SCHIP1: variants seen among roughly 807,000 people sequenced by gnomAD.
SCHIP1 encodes the protein schwannomin-interacting protein 1.
In SCHIP1, 8 loss-of-function variants were observed where a neutral mutation model predicts 29.7. The observed-to-expected ratio is 0.27, with a 90% confidence interval of 0.16 to 0.49. The LOEUF is 0.49. Ranked by LOEUF, SCHIP1 falls within the 20% of genes least tolerant of loss-of-function variation. The pLI, the probability that SCHIP1 is intolerant of heterozygous loss-of-function variation, is 0.99. For missense variants in SCHIP1, 193 were observed against 294.6 expected (o/e 0.66, Z 2.52); for synonymous variants, 76 against 94.9 (o/e 0.80, Z 1.16).
At chr3:159,485,070 C>G in the SCHIP1 span, among the ~76,000 whole-genome samples, 2 of 152,162 alleles carry the variant, frequency 1.3e-5, no homozygotes, top group African/African-American at 2.4e-5. Flanking sequence ...CTTGGCCAAA[C>G]AGAAGCAGAG....
At chr3:159,518,943 C>T in the SCHIP1 span, among the ~76,000 whole-genome samples, 1 of 152,018 alleles carries the variant, frequency 6.6e-6, no homozygotes. Flanking sequence ...AAAATTTACA[C>T]GTCAAAGCCA....
the SCHIP1 span, among the ~76,000 whole-genome samples, chr3:159,587,499 TAGGGTACACGTGCACAACGTG>T: frequency 1.3e-5 from 2 of 152,344 alleles, no homozygotes; most frequent in African/African-American, 4.8e-5. Context: ...CTTTAAGTTC[TAGGGTACACGTGCACAACGTG>T]CAGGTTTGTT....
chr3:159,318,698 G>C, the SCHIP1 span, among the ~76,000 whole-genome samples: 3 of 152,192 alleles, frequency 2.0e-5, no homozygotes, highest in South Asian at 2.1e-4. Context: ...ATGGGCATTT[G>C]AGCCACTTCC....
chr3:159,300,271 A>G, the SCHIP1 span, among the ~76,000 whole-genome samples: 3,621 of 151,726 alleles, frequency 0.024, 145 homozygotes, highest in African/African-American at 0.083. Context: ...GACTACAGGC[A>G]AGTACCACCA....
chr3:159,610,451 G>A, the SCHIP1 span, among the ~76,000 whole-genome samples: 26,100 of 152,036 alleles, frequency 0.17, 6,391 homozygotes, highest in African/African-American at 0.54. Flanking sequence ...ATTCAATATT[G>A]TATTTGTCTT....
chr3:159,681,726 C>T, the SCHIP1 span, among the ~76,000 whole-genome samples: 3 of 152,172 alleles, frequency 2.0e-5, no homozygotes, highest in African/African-American at 7.2e-5. Flanking sequence ...CATTGGACCT[C>T]TTATCAGTTG....
At chr3:159,740,042 T>C in the SCHIP1 span, among the ~76,000 whole-genome samples, 2,030 of 152,338 alleles carry the variant, frequency 0.013, 30 homozygotes, top group African/African-American at 0.032. Context: ...CAGAAAATTC[T>C]TACTGTTGTC....
At chr3:159,527,835 C>A in the SCHIP1 span, among the ~76,000 whole-genome samples, 1 of 152,046 alleles carries the variant, frequency 6.6e-6, no homozygotes, top group Admixed American at 6.5e-5. Context: ...ATGCATGAAG[C>A]CTTAATATTT....
At chr3:159,348,507 T>A in the SCHIP1 span, among the ~76,000 whole-genome samples, 1 of 152,192 alleles carries the variant, frequency 6.6e-6, no homozygotes, top group East Asian at 1.9e-4. Context: ...TATATTAGTT[T>A]ACTTTGCATT....
chr3:159,668,608 C>G, the SCHIP1 span, among the ~76,000 whole-genome samples: 1 of 152,130 alleles, frequency 6.6e-6, no homozygotes, highest in Non-Finnish European at 1.5e-5. Flanking sequence ...ATCACACGCT[C>G]TGCTGGGACC....
At chr3:159,714,620 C>T in the SCHIP1 span, among the ~76,000 whole-genome samples, 3 of 152,226 alleles carry the variant, frequency 2.0e-5, no homozygotes, top group Admixed American at 6.5e-5. Flanking sequence ...CTCGGAGGGT[C>T]CTACGCCCAC....
chr3:159,359,517 T>A, the SCHIP1 span, among the ~76,000 whole-genome samples: 88,211 of 151,992 alleles, frequency 0.58, 26,678 homozygotes, highest in Middle Eastern at 0.67. Flanking sequence ...GTCACACAGA[T>A]AAAAGTGTTT....
At chr3:159,687,638 G>A in the SCHIP1 span, among the ~76,000 whole-genome samples, 2 of 151,984 alleles carry the variant, frequency 1.3e-5, no homozygotes, top group African/African-American at 2.4e-5. Context: ...TCTGGGATAC[G>A]TGTGCAGAAC....
the SCHIP1 span, among the ~76,000 whole-genome samples, chr3:159,665,463 C>A: frequency 3.3e-5 from 5 of 152,100 alleles, no homozygotes; most frequent in South Asian, 2.1e-4. Flanking sequence ...AGCACTCAGA[C>A]GAGCCCCTGT....
At chr3:159,678,185 A>G in the SCHIP1 span, among the ~76,000 whole-genome samples, 1 of 152,110 alleles carries the variant, frequency 6.6e-6, no homozygotes, top group Non-Finnish European at 1.5e-5. Context: ...GCAATCCAAT[A>G]TTTCCACTCA....
At chr3:159,379,076 G>A in the SCHIP1 span, among the ~76,000 whole-genome samples, 2 of 152,122 alleles carry the variant, frequency 1.3e-5, no homozygotes, top group African/African-American at 2.4e-5. Context: ...TGATAGCAGG[G>A]ACAATAAATC....
At chr3:159,831,258 G>A in the SCHIP1 span, among the ~76,000 whole-genome samples, 2 of 152,110 alleles carry the variant, frequency 1.3e-5, no homozygotes, top group African/African-American at 2.4e-5. Context: ...AATATTAGGC[G>A]GTTCTTTAGT....
intron 2 of SCHIP1, 43 bp from the exon 4 acceptor site, chr3:159,886,164 C>G: frequency 6.2e-7 from 1 of 1,607,662 alleles, no homozygotes; most frequent in Non-Finnish European, 8.5e-7. Context: ...AGCCAAATAA[C>G]AAACAGCTAA....
the SCHIP1 span, among the ~76,000 whole-genome samples, chr3:159,478,574 G>A: frequency 2.0e-5 from 3 of 151,942 alleles, no homozygotes; most frequent in East Asian, 1.9e-4. Flanking sequence ...GGTCTTTTGT[G>A]TTTTCATATG....
Sources: gnomAD v4.1 joint callset for allele counts (sites outside exome capture counted in the v4.1 genomes callset) on GRCh38, gnomAD v4.1.1 for gene constraint, MANE v1.5 for transcripts, NCBI Gene and HGNC (gene_info 2026-07-23, HGNC 2026-07-21) for gene names.